GLT1D1: variants seen among roughly 807,000 people sequenced by gnomAD.
GLT1D1 encodes the protein glycosyltransferase 1 domain containing 1, also known as glycosyltransferase 1 domain-containing protein 1.
GLT1D1 carries 21 observed loss-of-function variants against 28.7 expected under a neutral mutation model. That is an observed-to-expected ratio of 0.73 (90% confidence interval 0.52 to 1.05). GLT1D1 has a LOEUF of 1.05. Ranked by LOEUF, GLT1D1 falls within the 50% of genes least tolerant of loss-of-function variation. The pLI is 0.00. For synonymous variants in GLT1D1, 147 were observed against 124.8 expected (o/e 1.18, Z -1.19); for missense variants, 343 against 330.6 (o/e 1.04, Z -0.29).
intron 1 of GLT1D1, among the ~76,000 whole-genome samples, chr12:128,861,388 G>C (rs1956368332): frequency 6.6e-6 from 1 of 152,160 alleles, no homozygotes; most frequent in Non-Finnish European, 1.5e-5. Context: ...CTTGATATCA[G>C]ATATTCACTA....
Position 128,983,082 on chromosome 12 carries a change from G to A in GLT1D1, c.793G>A (p.Glu265Lys). ...CATCAGGAAGCTGGAAGGAAGCACTGAAGATTGAGGGCCCCGCCTCATCAG... is the reference window on the plus strand; with the variant it reads ...CATCAGGAAGCTGGAAGGAAGCACTAAAGATTGAGGGCCCCGCCTCATCAG... Residue 265 changes from glutamate to lysine, a missense_variant, in exon 8 of 8, where the codon GAA (glutamate) becomes AAA (lysine). Coordinates refer to ENST00000281703, the MANE Select transcript of GLT1D1 (RefSeq NM_144669.3). This position sits in a 1 kb window ranked among gnomAD's most constrained non-coding sequence, Gnocchi z 4.7. 1 of 1,613,682 alleles carries A rather than the reference G, an allele frequency of 6.2e-7. No homozygotes were observed. Among genetic ancestry groups the A allele is most frequent in the East Asian group, 2.2e-5 (1 of 44,876 alleles).
chr12:128,954,970 G>C (rs930529926), intron 6 of GLT1D1, among the ~76,000 whole-genome samples: 10 of 152,072 alleles, frequency 6.6e-5, no homozygotes, highest in Non-Finnish European at 1.2e-4. Context: ...CTGGGACCCT[G>C]TCCCGTCTTC....
rs187496007 is a variant in GLT1D1, at chr12:128,924,758, C to T, written c.376-20568C>T. Among the ~76,000 whole-genome samples the T allele has an allele frequency of 1.8e-3, 279 of 152,254 alleles. 1 individual carries two copies. The highest frequency in any genetic ancestry group is 2.4e-3 in the Non-Finnish European group (161 of 68,022). On this transcript the variant is annotated intron_variant, in intron 4 of 7. Coordinates refer to ENST00000281703, the MANE Select transcript of GLT1D1 (RefSeq NM_144669.3). ...TTCTTAAGAATGAGAACAGAGATCGCGGGGCCAGATTAGAGGGTACCGGTG... is the reference window on the plus strand; with the variant it reads ...TTCTTAAGAATGAGAACAGAGATCGTGGGGCCAGATTAGAGGGTACCGGTG...
chr12:128,974,125 G>A (rs535370605), intron 7 of GLT1D1, among the ~76,000 whole-genome samples: 1 of 152,084 alleles, frequency 6.6e-6, no homozygotes, highest in African/African-American at 2.4e-5. Context: ...GGGAGAGGGC[G>A]CATAGGAATA....
At position 128,950,384 on chromosome 12, in the gene GLT1D1, G is replaced by A. The variant is rs115184418; in HGVS notation, c.540+2926G>A. 1.1e-3 allele frequency among the ~76,000 whole-genome samples: 166 copies of A among 152,278 alleles called. 1 individual carries two copies. Among genetic ancestry groups the A allele is most frequent in the African/African-American group, 3.6e-3 (151 of 41,560 alleles). Reference sequence around the variant, plus strand: ...ATTGGCACCCTCATTGAGAATCACCGTAACCCCAATTATGTAAGATCCGAA... The same window carrying A: ...ATTGGCACCCTCATTGAGAATCACCATAACCCCAATTATGTAAGATCCGAA... On this transcript the variant is annotated intron_variant, in intron 6 of 7. Transcript: ENST00000281703.
intron 3 of GLT1D1, among the ~76,000 whole-genome samples, chr12:128,895,155 T>G (rs1869482745): frequency 6.6e-6 from 1 of 151,188 alleles, no homozygotes; most frequent in African/African-American, 2.5e-5. Context: ...GGAGTCCTGG[T>G]TCCTTTATAA....
chr12:128,868,552 T>C (rs997618227), intron 1 of GLT1D1, among the ~76,000 whole-genome samples: 2 of 152,138 alleles, frequency 1.3e-5, no homozygotes, highest in Non-Finnish European at 2.9e-5. Flanking sequence ...GTGTTGTGGA[T>C]CTTGAAGGAG....
rs945703578 is a variant in GLT1D1 at position 128,874,714 on chromosome 12, G to T, written c.69-1200G>T. 2.0e-5 allele frequency among the ~76,000 whole-genome samples: 3 copies of T among 151,924 alleles called. No homozygotes were observed. The South Asian group carries it at 6.2e-4, about 31-fold the overall frequency. ...GACCAGGCTGGTCTCAAACTCCTGGGCTCAAGCAATCTGTCTGCCTCGAAC... is the reference window on the plus strand; with the variant it reads ...GACCAGGCTGGTCTCAAACTCCTGGTCTCAAGCAATCTGTCTGCCTCGAAC... On this transcript the variant is annotated intron_variant, in intron 1 of 7. Coordinates refer to ENST00000281703, the MANE Select transcript of GLT1D1 (RefSeq NM_144669.3).
intron 5 of GLT1D1, among the ~76,000 whole-genome samples, chr12:128,946,944 C>A (rs555057597): frequency 1.3e-5 from 2 of 152,028 alleles, no homozygotes; most frequent in East Asian, 3.9e-4. Flanking sequence ...CCACTGCACC[C>A]GGCCTATTTC....
chr12:128,958,513 G>A (rs1159086476), intron 7 of GLT1D1, among the ~76,000 whole-genome samples: 1 of 148,784 alleles, frequency 6.7e-6, no homozygotes, highest in Non-Finnish European at 1.5e-5. Flanking sequence ...GGCTGAGGTG[G>A]TAGGATCATT....
intron 7 of GLT1D1, among the ~76,000 whole-genome samples, chr12:128,979,054 C>A (rs1322102663): frequency 6.6e-6 from 1 of 152,168 alleles, no homozygotes; most frequent in Non-Finnish European, 1.5e-5. Flanking sequence ...ACTTAGAATG[C>A]CTTAGCCTCC....
chr12:128,883,934 G>C (rs1015129365), intron 2 of GLT1D1, among the ~76,000 whole-genome samples: 1 of 152,190 alleles, frequency 6.6e-6, no homozygotes, highest in East Asian at 1.9e-4. Flanking sequence ...TTACTTCTGA[G>C]AGACCTGGAG....
chr12:128,887,494 TACACACAC>T (rs58713965), intron 2 of GLT1D1, among the ~76,000 whole-genome samples: 15 of 145,640 alleles, frequency 1.0e-4, no homozygotes, highest in South Asian at 2.2e-4. Flanking sequence ...TCTATGTGAG[TACACACAC>T]ACACACACAC....
chr12:128,948,289 A>C (rs145194294), intron 6 of GLT1D1, among the ~76,000 whole-genome samples: 204 of 152,290 alleles, frequency 1.3e-3, no homozygotes, highest in African/African-American at 4.8e-3. Flanking sequence ...CATGTGTCTC[A>C]CAGAAAAAGA....
intron 1 of GLT1D1, among the ~76,000 whole-genome samples, chr12:128,860,517 G>A (rs1322133271): frequency 6.6e-6 from 1 of 152,204 alleles, no homozygotes; most frequent in Non-Finnish European, 1.5e-5. Context: ...GACGACACAG[G>A]CTTTTGACCA....
chr12:128,854,107 C>T (rs1956145125), intron 1 of GLT1D1, among the ~76,000 whole-genome samples: 1 of 152,138 alleles, frequency 6.6e-6, no homozygotes. Context: ...GTCCTGTCCC[C>T]GAAGTCCCTT....
chr12:128,860,591 G>A (rs1956334654), intron 1 of GLT1D1, among the ~76,000 whole-genome samples: 1 of 152,190 alleles, frequency 6.6e-6, no homozygotes, highest in African/African-American at 2.4e-5. Context: ...ATTTGGTCTT[G>A]CATCCCTGCC....
At chr12:128,855,854 C>T (rs112529428) in intron 1 of GLT1D1, among the ~76,000 whole-genome samples, 2,900 of 149,986 alleles carry the variant, frequency 0.019, 36 homozygotes, top group Non-Finnish European at 0.029. Flanking sequence ...CCGGTTCCAG[C>T]GATTCTCCTG....
chr12:128,863,235 T>C (rs1271528097), intron 1 of GLT1D1, among the ~76,000 whole-genome samples: 1 of 152,134 alleles, frequency 6.6e-6, no homozygotes, highest in Non-Finnish European at 1.5e-5. Flanking sequence ...ATAGACTGCT[T>C]GGGGAGGCCC....
Sources: allele counts gnomAD v4.1 joint callset (sites outside exome capture counted in the v4.1 genomes callset), GRCh38; gene constraint gnomAD v4.1.1; non-coding constraint Gnocchi (gnomAD v3.1); transcripts MANE v1.5; gene names NCBI Gene and HGNC (gene_info 2026-07-23, HGNC 2026-07-21).